Variants in NUBPL observed in about 807,000 individuals in gnomAD.
NUBPL encodes NUBP iron-sulfur cluster assembly factor, mitochondrial, also known as iron-sulfur cluster transfer protein NUBPL.
A neutral mutation model predicts 45.7 loss-of-function variants in NUBPL; 31 were observed. The ratio of observed to expected loss-of-function variants is 0.68; its 90% confidence interval spans 0.51 to 0.92. NUBPL has a LOEUF of 0.92. Among genes scored for constraint, NUBPL ranks in the 40% least tolerant of loss-of-function variants. The probability of loss-of-function intolerance (pLI) is 0.00; values close to 1 mark genes in which losing one functional copy is unlikely to be tolerated. For synonymous variants in NUBPL, 144 were observed against 140.9 expected (o/e 1.02, Z -0.15); for missense variants, 401 against 398.7 (o/e 1.01, Z -0.05).
chr14:31,659,577 T>C (rs1193686078), intron 4 of NUBPL, among the ~76,000 whole-genome samples: 2 of 152,196 alleles, frequency 1.3e-5, no homozygotes, highest in Non-Finnish European at 2.9e-5. Flanking sequence ...TGTAAAACTT[T>C]CTAATATAAG....
intron 4 of NUBPL, among the ~76,000 whole-genome samples, chr14:31,662,947 GA>G (rs1440558491): frequency 6.6e-6 from 1 of 152,196 alleles, no homozygotes; most frequent in African/African-American, 2.4e-5. Flanking sequence ...ACTCACATGA[GA>G]TGCTATCTCA....
At chr14:31,718,085 A>G (rs200523669) in intron 6 of NUBPL, among the ~76,000 whole-genome samples, 1 of 152,216 alleles carries the variant, frequency 6.6e-6, no homozygotes, top group East Asian at 1.9e-4. Context: ...ACTAACTGGT[A>G]TCCTAAAATA....
At chr14:31,690,374 C>T (rs1287617949) in intron 6 of NUBPL, among the ~76,000 whole-genome samples, 4 of 152,152 alleles carry the variant, frequency 2.6e-5, no homozygotes, top group African/African-American at 9.7e-5. Flanking sequence ...AAGTACCTTA[C>T]CAATAAGGTA....
At chr14:31,636,689 G>A (rs529356986) in intron 4 of NUBPL, among the ~76,000 whole-genome samples, 1 of 152,244 alleles carries the variant, frequency 6.6e-6, no homozygotes, top group African/African-American at 2.4e-5. Flanking sequence ...TTGTACCTCT[G>A]GTAGAATTCG....
At chr14:31,697,868 T>A (rs2139882911) in intron 6 of NUBPL, among the ~76,000 whole-genome samples, 1 of 152,302 alleles carries the variant, frequency 6.6e-6, no homozygotes, top group South Asian at 2.1e-4. Flanking sequence ...GTGGCCCCTG[T>A]TGAACAGGTA....
intron 7 of NUBPL, among the ~76,000 whole-genome samples, chr14:31,788,978 T>C (rs2039331752): frequency 6.6e-6 from 1 of 152,234 alleles, no homozygotes; most frequent in Admixed American, 6.5e-5. Flanking sequence ...GCATTTATAC[T>C]ACTGGTACAT....
At chr14:31,808,054 C>T (rs773697605) in intron 7 of NUBPL, among the ~76,000 whole-genome samples, 11 of 152,130 alleles carry the variant, frequency 7.2e-5, no homozygotes, top group Non-Finnish European at 1.3e-4. Flanking sequence ...AGTCAGGTGG[C>T]GTGATGCCTC....
chr14:31,770,551 G>T (rs759683122), intron 6 of NUBPL, among the ~76,000 whole-genome samples: 3 of 152,188 alleles, frequency 2.0e-5, no homozygotes, highest in Non-Finnish European at 4.4e-5. Context: ...AATTGAGGAA[G>T]TTACGAAACT....
intron 4 of NUBPL, among the ~76,000 whole-genome samples, chr14:31,641,546 A>G (rs753332681): frequency 2.0e-4 from 31 of 152,198 alleles, no homozygotes; most frequent in Non-Finnish European, 3.8e-4. Flanking sequence ...TCCATTGTGT[A>G]TATATGCATA....
chr14:31,860,851 A>G lies in NUBPL; in HGVS notation c.*1671A>G, dbSNP rs1339272426. The G allele has an allele frequency of 2.0e-5, 3 of 152,232 alleles. No homozygotes were observed. Among genetic ancestry groups the G allele is most frequent in the Admixed American group, 6.5e-5 (1 of 15,282 alleles). The allele number at this position is 152,232 out of a possible 1,614,324, so 9.4% of individuals were successfully genotyped here. A position where few individuals can be genotyped will look rare whatever the true frequency, so the allele number is the denominator to read the frequency against. On this transcript the variant is annotated 3_prime_UTR_variant, in exon 11 of 11. Transcript: ENST00000281081. ...GGTACAGGCAGCAACTTATAATTCC[A>G]GAGAATTATGCTGAATGAAAAAGGC...
intron 3 of NUBPL, chr14:31,577,814 TG>T (rs1423171794): frequency 4.9e-6 from 1 of 204,600 alleles, no homozygotes; most frequent in Non-Finnish European, 8.6e-6. Flanking sequence ...TTGCCTTCTT[TG>T]CCCAGCTCCT....
intron 4 of NUBPL, among the ~76,000 whole-genome samples, chr14:31,652,895 G>A (rs189968722): frequency 1.5e-3 from 226 of 152,106 alleles, no homozygotes; most frequent in Middle Eastern, 0.014. Context: ...CGTGTCAGCC[G>A]GTCTGAGAAA....
intron 7 of NUBPL, among the ~76,000 whole-genome samples, chr14:31,788,789 A>G (rs1177303696): frequency 6.6e-6 from 1 of 152,096 alleles, no homozygotes; most frequent in Admixed American, 6.5e-5. Context: ...GGTTTTGGGT[A>G]GTCTCTGGGA....
intron 6 of NUBPL, among the ~76,000 whole-genome samples, chr14:31,708,009 G>A (rs28873511): frequency 0.036 from 5,473 of 152,246 alleles, 132 homozygotes; most frequent in African/African-American, 0.075. Context: ...GTCAGAGTGC[G>A]GGGGAATACA....
At chr14:31,834,226 G>A (rs2040239119) in intron 8 of NUBPL, among the ~76,000 whole-genome samples, 1 of 129,576 alleles carries the variant, frequency 7.7e-6, no homozygotes, top group African/African-American at 3.1e-5. Context: ...CTGTCGCCAG[G>A]CTGGAGTGCA....
chr14:31,803,391 A>G (rs1459138378), intron 7 of NUBPL, among the ~76,000 whole-genome samples: 1 of 152,214 alleles, frequency 6.6e-6, no homozygotes, highest in African/African-American at 2.4e-5. Flanking sequence ...TGAAAATTCA[A>G]AGAAAAACAT....
At chr14:31,605,718 C>T (rs2034567870) in intron 4 of NUBPL, among the ~76,000 whole-genome samples, 1 of 151,474 alleles carries the variant, frequency 6.6e-6, no homozygotes, top group South Asian at 2.1e-4. Flanking sequence ...CTTCTTTCTT[C>T]TTCTTTCTTC....
intron 6 of NUBPL, among the ~76,000 whole-genome samples, chr14:31,706,671 C>T (rs2037460868): frequency 1.3e-5 from 2 of 152,144 alleles, no homozygotes; most frequent in Admixed American, 1.3e-4. Context: ...GAGGTCTAGG[C>T]CTTGGTGGTT....
intron 6 of NUBPL, among the ~76,000 whole-genome samples, chr14:31,745,668 T>G (rs1465402703): frequency 6.6e-6 from 1 of 152,100 alleles, no homozygotes; most frequent in Non-Finnish European, 1.5e-5. Context: ...GTTTAGTAAT[T>G]ATAAGAGTTT....
Sources: allele counts gnomAD v4.1 joint callset (sites outside exome capture counted in the v4.1 genomes callset), GRCh38; gene constraint gnomAD v4.1.1; transcripts MANE v1.5; gene names NCBI Gene and HGNC (gene_info 2026-07-23, HGNC 2026-07-21).